Variants in ARHGEF16 observed in about 807,000 individuals in gnomAD.
ARHGEF16 encodes Rho guanine nucleotide exchange factor 16, also known as Rho guanine exchange factor (GEF) 16.
A neutral mutation model predicts 74.1 loss-of-function variants in ARHGEF16; 59 were observed. The ratio of observed to expected loss-of-function variants is 0.80; its 90% CI spans 0.65 to 0.99. The LOEUF (loss-of-function observed/expected upper bound fraction) is 0.99. ARHGEF16 is among the 50% of genes least tolerant of loss of function. ARHGEF16 has a pLI of 0.00. For synonymous variants in ARHGEF16, 415 were observed against 412.6 expected (o/e 1.01, Z -0.07); for missense variants, 948 against 986.6 (o/e 0.96, Z 0.52).
In ARHGEF16 at chr1:3,473,769, G is replaced by A. The variant is rs11801612; in HGVS notation, c.1305+247G>A. The A allele has an allele frequency of 1.1e-5, 7 of 623,064 alleles. No homozygotes were observed. In the East Asian group the frequency reaches 2.1e-4, roughly 19 times the overall value. 38.6% of individuals were successfully genotyped at this position (623,064 alleles called of 1,614,324 possible). On this transcript the variant is annotated intron_variant, in intron 8 of 14. Coordinates refer to ENST00000378378, the MANE Select transcript of ARHGEF16 (RefSeq NM_014448.4). ...GCGGATTTGTGTTCACTTACTCAAT[G>A]GTTCATGAGGTTCAGGCACACTGAC...
At chr1:3,477,748 A>G in intron 10 of ARHGEF16, 127 bp from the exon 11 acceptor site, 1 of 846,166 alleles carries the variant, frequency 1.2e-6, no homozygotes, top group Non-Finnish European at 1.9e-6. Context: ...CTGGTCACCC[A>G]GTCCAGAGGC....
Position 3,469,366 on chromosome 1 carries a change from G to A in ARHGEF16, c.862-67G>A. On this transcript the variant is annotated intron_variant, in intron 5 of 14. Coordinates refer to ENST00000378378, the MANE Select transcript of ARHGEF16 (RefSeq NM_014448.4). ...CCCGGGTCACGTCCTCCTGTTCCAAGCATTGGTCACCGAGGCACGCCCGTG... is the reference window on the plus strand; with the variant it reads ...CCCGGGTCACGTCCTCCTGTTCCAAACATTGGTCACCGAGGCACGCCCGTG... 3 of 1,575,182 alleles carry A rather than the reference G, an allele frequency of 1.9e-6. No individual in the cohort carries two copies. The South Asian group carries it at 3.4e-5, about 18-fold the overall frequency.
Position 3,480,901 on chromosome 1 carries a change from C to T in ARHGEF16, c.*314C>T. The T allele has an allele frequency of 2.2e-6, 1 of 449,172 alleles. No individual in the cohort carries two copies. The highest frequency in any genetic ancestry group is 4.0e-6 in the Non-Finnish European group (1 of 248,370). 27.8% of individuals were successfully genotyped at this position (449,172 alleles called of 1,614,324 possible). A position where few individuals can be genotyped will look rare whatever the true frequency, so the allele number is the denominator to read the frequency against. On this transcript the variant is annotated 3_prime_UTR_variant, in exon 15 of 15. Coordinates refer to ENST00000378378, the MANE Select transcript of ARHGEF16 (RefSeq NM_014448.4). ...CACTGCACCCAGGGGGCAACTCCAC[C>T]TGGACTGATGGGCACAGGAGGCACC...
intron 6 of ARHGEF16, among the ~76,000 whole-genome samples, chr1:3,470,404 A>C (rs1639674810): frequency 7.7e-6 from 1 of 130,050 alleles, no homozygotes; most frequent in African/African-American, 3.0e-5. Context: ...GTGCCTGGGC[A>C]GCAGTGTGTG....
chr1:3,462,827 G>A (rs984173008), intron 1 of ARHGEF16, among the ~76,000 whole-genome samples: 7 of 152,286 alleles, frequency 4.6e-5, no homozygotes, highest in South Asian at 2.1e-4. Context: ...GAGAACCAGC[G>A]CCTGCCCAGT....
At chr1:3,469,910 GC>G (rs1173524821) in intron 6 of ARHGEF16, among the ~76,000 whole-genome samples, 3 of 152,202 alleles carry the variant, frequency 2.0e-5, no homozygotes, top group Non-Finnish European at 4.4e-5. Context: ...GGCACAGAGG[GC>G]TGCATGATCC....
intron 1 of ARHGEF16, among the ~76,000 whole-genome samples, chr1:3,458,506 C>T (rs1190409965): frequency 6.6e-6 from 1 of 152,252 alleles, no homozygotes; most frequent in African/African-American, 2.4e-5. Context: ...CTGTAGAAAC[C>T]AGCCGGCCTG....
rs372408805 is a variant in ARHGEF16, at chr1:3,466,109, G to A, written c.589-39G>A. ...AATCGCCGTGGGCAACACCTGCCCC[G>A]GCTGACAGCTGCGGTTTCTGTGTCT... On this transcript the variant is annotated intron_variant, in intron 2 of 14. Transcript: ENST00000378378. 5.8e-5 allele frequency: 90 copies of A among 1,547,510 alleles called. No homozygotes were observed. In the African/African-American group the frequency reaches 1.0e-3, roughly 18 times the overall value.
chr1:3,480,838 G>A lies in ARHGEF16; in HGVS notation c.*251G>A, dbSNP rs1449207765. On this transcript the variant is annotated 3_prime_UTR_variant, in exon 15 of 15. Transcript: ENST00000378378. Reference sequence around the variant, plus strand: ...CCAGGGAGCCCAGCCTATTCCCGTTGGCTGGCTGGGCCCCTCAGCTGCTGG... The same window carrying A: ...CCAGGGAGCCCAGCCTATTCCCGTTAGCTGGCTGGGCCCCTCAGCTGCTGG... 5 of 436,636 alleles carry A rather than the reference G, an allele frequency of 1.1e-5. No homozygotes were observed. The highest frequency in any genetic ancestry group is 2.5e-5 in the South Asian group (1 of 39,576). The allele number at this position is 436,636 out of a possible 1,614,324, so 27.0% of individuals were successfully genotyped here.
At chr1:3,459,691 A>T (rs893154199) in intron 1 of ARHGEF16, among the ~76,000 whole-genome samples, 1 of 152,238 alleles carries the variant, frequency 6.6e-6, no homozygotes, top group East Asian at 1.9e-4. Flanking sequence ...AGCACATGGC[A>T]GAGACGCCAG....
chr1:3,460,331 C>T (rs1199701267), intron 1 of ARHGEF16, among the ~76,000 whole-genome samples: 5 of 152,190 alleles, frequency 3.3e-5, no homozygotes, highest in Admixed American at 2.0e-4. Context: ...TCTCAGAGGA[C>T]GTGGTCAGGG....
At chr1:3,465,427 A>C (rs1166483660) in intron 2 of ARHGEF16, among the ~76,000 whole-genome samples, 2 of 149,400 alleles carry the variant, frequency 1.3e-5, no homozygotes, top group Non-Finnish European at 3.0e-5. Flanking sequence ...CAACAGCTCC[A>C]GCCAGACCTG....
intron 1 of ARHGEF16, among the ~76,000 whole-genome samples, chr1:3,462,269 G>A (rs1639416830): frequency 6.6e-6 from 1 of 152,164 alleles, no homozygotes; most frequent in African/African-American, 2.4e-5. Context: ...GTGACTGGTG[G>A]GGCTCCTGAG....
intron 9 of ARHGEF16, 56 bp downstream of exon 9, chr1:3,474,838 C>A: frequency 6.8e-7 from 1 of 1,479,352 alleles, no homozygotes; most frequent in Non-Finnish European, 9.3e-7. Context: ...ACCCTGTCCC[C>A]ACCCAACCCC....
chr1:3,459,226 C>G (rs1321091681), intron 1 of ARHGEF16, among the ~76,000 whole-genome samples: 1 of 152,186 alleles, frequency 6.6e-6, no homozygotes, highest in Non-Finnish European at 1.5e-5. Context: ...ATCAGCAAGA[C>G]AGCCAGAGCT....
chr1:3,479,667 G>T, intron 13 of ARHGEF16, 77 bp downstream of exon 13: 1 of 1,574,904 alleles, frequency 6.3e-7, no homozygotes, highest in African/African-American at 1.4e-5. Context: ...GCCCAAGTGA[G>T]CCTGGCACCT....
intron 1 of ARHGEF16, among the ~76,000 whole-genome samples, chr1:3,455,413 C>A (rs1238882113): frequency 2.0e-5 from 3 of 152,130 alleles, no homozygotes; most frequent in Non-Finnish European, 4.4e-5. Flanking sequence ...TTTGTCTCCC[C>A]TGAGAAGGGA....
chr1:3,469,233 C>T (rs756335212), intron 5 of ARHGEF16, among the ~76,000 whole-genome samples, 200 bp from the exon 6 acceptor site: 1 of 152,186 alleles, frequency 6.6e-6, no homozygotes, highest in Non-Finnish European at 1.5e-5. Flanking sequence ...TCATAAGGCA[C>T]CCAGCCAGGG....
chr1:3,465,993 C>T (rs754075559), intron 2 of ARHGEF16, 155 bp from the exon 3 acceptor site: 32 of 768,278 alleles, frequency 4.2e-5, no homozygotes, highest in Non-Finnish European at 5.9e-5. Flanking sequence ...CTCTTGGCCT[C>T]TGCTTGGCGG....
Sources: allele counts gnomAD v4.1 joint callset (sites outside exome capture counted in the v4.1 genomes callset), GRCh38; gene constraint gnomAD v4.1.1; transcripts MANE v1.5; gene names NCBI Gene and HGNC (gene_info 2026-07-23, HGNC 2026-07-21).